Variants in TRERF1 observed in about 807,000 individuals in gnomAD.
The protein encoded by TRERF1 is transcriptional-regulating factor 1.
In TRERF1, 27 loss-of-function variants were observed where a neutral mutation model predicts 122.9. The ratio of observed to expected loss-of-function variants is 0.22; its 90% confidence interval spans 0.16 to 0.30. The LOEUF is 0.30. TRERF1 is among the 10% of genes least tolerant of loss of function. The pLI, the probability that TRERF1 is intolerant of heterozygous loss-of-function variation, is 1.00. For synonymous variants in TRERF1, 636 were observed against 641.7 expected, an observed-to-expected ratio of 0.99 and a Z score of 0.13; for missense variants, 1,248 against 1,560.3, an observed-to-expected ratio of 0.80 and a Z score of 3.37.
chr6:42,256,799 C>A, exon 12 of TRERF1: 1 of 1,614,228 alleles, frequency 6.2e-7, no homozygotes, highest in Non-Finnish European at 8.5e-7. Context: ...CCTGGCAATG[C>A]ACTGGAACAG....
chr6:42,370,277 A>G (rs1025962013), intron 2 of TRERF1, among the ~76,000 whole-genome samples: 4 of 152,176 alleles, frequency 2.6e-5, no homozygotes, highest in Non-Finnish European at 4.4e-5. Context: ...AAACACAAAA[A>G]ATTGTCTGGG....
intron 4 of TRERF1, among the ~76,000 whole-genome samples, chr6:42,285,822 C>T (rs1272665824): frequency 1.3e-5 from 2 of 151,702 alleles, no homozygotes; most frequent in African/African-American, 4.8e-5. Context: ...CAAAAAAGAG[C>T]CCGCATCGCC....
At chr6:42,255,228 C>A (rs1159318528) in intron 12 of TRERF1, among the ~76,000 whole-genome samples, 1 of 152,174 alleles carries the variant, frequency 6.6e-6, no homozygotes, top group African/African-American at 2.4e-5. Context: ...GGTGCCTCCT[C>A]TGACTGGAGG....
chr6:42,231,674 G>A (rs954920589), intron 17 of TRERF1, among the ~76,000 whole-genome samples: 2 of 152,214 alleles, frequency 1.3e-5, no homozygotes, highest in Non-Finnish European at 2.9e-5. Flanking sequence ...TTCCAGTCAG[G>A]TGGACTCATT....
At chr6:42,445,353 GACACACAC>G (rs57862861) in intron 2 of TRERF1, among the ~76,000 whole-genome samples, 1,174 of 86,696 alleles carry the variant, frequency 0.014, 18 homozygotes, top group African/African-American at 0.034. Flanking sequence ...TACACACACA[GACACACAC>G]ACACACACAC....
chr6:42,268,621 G>A lies in TRERF1; in HGVS notation c.970C>T (p.Pro324Ser). ...ATGGGTTGGGGCTGATAATACTGAG[G>A]TATCTGCATTGAACCCTGCCGCTGC... is the stretch of plus-strand genomic sequence containing the variant. Residue 324 changes from proline (P) to serine (S), a missense_variant, in exon 5 of 18, where the codon CCT becomes TCT. Physicochemically the swap from Pro to Ser is moderately conservative, Grantham distance 74 (BLOSUM62 -1). Transcript: ENST00000372922. This position sits in a 1 kb window ranked among gnomAD's most constrained non-coding sequence, Gnocchi z 4.4. 6.2e-7 allele frequency: 1 copy of A among 1,614,010 alleles called. No individual in the cohort carries two copies. Among genetic ancestry groups the A allele is most frequent in the African/African-American group, 1.3e-5 (1 of 75,044 alleles).
At chr6:42,375,425 C>T (rs570004591) in intron 2 of TRERF1, among the ~76,000 whole-genome samples, 2 of 152,370 alleles carry the variant, frequency 1.3e-5, no homozygotes, top group African/African-American at 2.4e-5. Context: ...TTCCTCCTCT[C>T]TTAGCAAGAA....
intron 12 of TRERF1, among the ~76,000 whole-genome samples, chr6:42,255,208 A>T (rs1233049538): frequency 6.6e-6 from 1 of 152,242 alleles, no homozygotes; most frequent in Non-Finnish European, 1.5e-5. Flanking sequence ...CACCCGCCCC[A>T]GAGATGAGTG....
rs1225510210 is a variant in TRERF1, at chr6:42,262,437, A to G, written c.1884+883T>C. Reference sequence around the variant, plus strand: ...CAGGTCACAAATTCCCTAGGGGCAGAGAGAGAGAGAGAGAGAGAGAGAGAG... The same window carrying G: ...CAGGTCACAAATTCCCTAGGGGCAGGGAGAGAGAGAGAGAGAGAGAGAGAG... On this transcript the variant is annotated intron_variant, in intron 8 of 17. Coordinates refer to ENST00000372922, the Ensembl canonical transcript of TRERF1. Among the ~76,000 whole-genome samples, 23 of 8,234 alleles carry G rather than the reference A, an allele frequency of 2.8e-3. 1 individual carries two copies. The highest frequency in any genetic ancestry group is 8.3e-3 in the African/African-American group (14 of 1,696). The allele number at this position is 8,234 out of a possible 152,430, so 5.4% of individuals were successfully genotyped here. A position where few individuals can be genotyped will look rare whatever the true frequency, so the allele number is the denominator to read the frequency against.
At chr6:42,308,516 C>T (rs1403383130) in intron 3 of TRERF1, among the ~76,000 whole-genome samples, 1 of 151,950 alleles carries the variant, frequency 6.6e-6, no homozygotes, top group African/African-American at 2.4e-5. Flanking sequence ...GACAAAAATG[C>T]CTTGGAACTA....
At chr6:42,386,981 A>G (rs1423270164) in intron 2 of TRERF1, among the ~76,000 whole-genome samples, 1 of 152,084 alleles carries the variant, frequency 6.6e-6, no homozygotes, top group Non-Finnish European at 1.5e-5. Flanking sequence ...CATCATCACC[A>G]CCATCACCAA....
chr6:42,331,804 C>A (rs1203787122), intron 3 of TRERF1, among the ~76,000 whole-genome samples: 1 of 152,222 alleles, frequency 6.6e-6, no homozygotes, highest in Non-Finnish European at 1.5e-5. Flanking sequence ...GGCACACATA[C>A]CCCAGGCCCA....
In TRERF1 at chr6:42,271,090, C is replaced by G. The variant is rs535216862; in HGVS notation, c.-258-1242G>C. 4.7e-5 allele frequency among the ~76,000 whole-genome samples: 7 copies of G among 150,474 alleles called. No individual in the cohort carries two copies. The South Asian group carries it at 8.4e-4, about 18-fold the overall frequency. On this transcript the variant is annotated intron_variant, in intron 4 of 17. Transcript: ENST00000372922. The stretch of plus-strand genomic sequence containing the variant: ...ATCCCAGCTACTTGGGAGGCTGAGG[C>G]AGGAGATTCACTTGAACCCGGGAGG...
At chr6:42,271,228 C>A (rs901384381) in intron 4 of TRERF1, among the ~76,000 whole-genome samples, 3 of 149,820 alleles carry the variant, frequency 2.0e-5, no homozygotes, top group African/African-American at 7.3e-5. Flanking sequence ...ACATCCTCAA[C>A]TTGAAATTCT....
At chr6:42,227,809 G>A (rs1459538545) in exon 18 of TRERF1, 1 of 152,276 alleles carries the variant, frequency 6.6e-6, no homozygotes, top group Non-Finnish European at 1.5e-5. Flanking sequence ...GGAGAGCCGT[G>A]TAACACGAGG....
chr6:42,375,480 C>T (rs918674660), intron 2 of TRERF1, among the ~76,000 whole-genome samples: 11 of 152,182 alleles, frequency 7.2e-5, no homozygotes, highest in African/African-American at 1.9e-4. Context: ...TTGCTGATTT[C>T]GCTGCTCCTC....
At chr6:42,253,892 G>A (rs990651280) in intron 13 of TRERF1, among the ~76,000 whole-genome samples, 3 of 152,158 alleles carry the variant, frequency 2.0e-5, no homozygotes, top group African/African-American at 2.4e-5. Flanking sequence ...GCCTAGGCAG[G>A]GTCTGCCCAG....
In TRERF1 at chr6:42,322,784, G is replaced by A. The variant is rs538175683; in HGVS notation, c.-370-22035C>T. ...GGAGCTGTAGCTGTAAAAGATAGCC[G>A]TTGCCAGAAAACTGATGAGGCTGAG... On this transcript the variant is annotated intron_variant, in intron 3 of 17. Coordinates refer to ENST00000372922, the Ensembl canonical transcript of TRERF1. Among the ~76,000 whole-genome samples, 56 of 152,226 alleles carry A rather than the reference G, an allele frequency of 3.7e-4. 1 individual carries two copies. The South Asian group carries it at 8.1e-3, about 22-fold the overall frequency.
At chr6:42,315,872 G>T (rs1428676181) in intron 3 of TRERF1, among the ~76,000 whole-genome samples, 3 of 152,136 alleles carry the variant, frequency 2.0e-5, no homozygotes, top group Non-Finnish European at 4.4e-5. Flanking sequence ...AGAGGCTGAA[G>T]AGGAGGGACT....
Sources: allele counts gnomAD v4.1 joint callset (sites outside exome capture counted in the v4.1 genomes callset), GRCh38; gene constraint gnomAD v4.1.1; non-coding constraint Gnocchi (gnomAD v3.1); transcripts MANE v1.5; gene names NCBI Gene and HGNC (gene_info 2026-07-23, HGNC 2026-07-21).